CUL4B: variants seen among roughly 807,000 people sequenced by gnomAD.
The protein encoded by CUL4B is cullin 4B.
Under a neutral mutation model 69.2 loss-of-function variants are expected in CUL4B, and 1 was observed. The ratio of observed to expected loss-of-function variants is 0.01; its 90% CI spans 0.01 to 0.07. The LOEUF is 0.07. Among genes scored for constraint, CUL4B ranks in the 10% least tolerant of loss-of-function variants. The probability of loss-of-function intolerance (pLI) is 1.00; values close to 1 mark genes in which losing one functional copy is unlikely to be tolerated. For missense variants in CUL4B, 328 were observed against 638.8 expected (o/e 0.51, Z 5.24); for synonymous variants, 237 against 223.2 (o/e 1.06, Z -0.55).
intron 1 of CUL4B, chrX:120,574,702 T>C: frequency 1.2e-6 from 1 of 822,039 alleles, no homozygotes; most frequent in Non-Finnish European, 1.8e-6. Context: ...ATGAATTCAT[T>C]GACTCTGGTT....
Position 120,532,572 on chromosome X carries a change from T to C in CUL4B, c.2289A>G (p.Thr763=). ...CTTTGCCACAGGCTAATGACTGCAGTGTTCTCCTTAACTCTCCATCCTCTG... is the reference window on the plus strand; with the variant it reads ...CTTTGCCACAGGCTAATGACTGCAGCGTTCTCCTTAACTCTCCATCCTCTG... ...TGIEDGELRR[T]LQSLACGKAR... Residue 763 remains threonine, a synonymous_variant, in exon 18 of 20, where the codon ACA becomes ACG. Transcript: ENST00000371322. 4.1e-6 allele frequency: 5 copies of C among 1,209,700 alleles called. No individual in the cohort carries two copies. The highest frequency in any genetic ancestry group is 5.6e-6 in the Non-Finnish European group (5 of 894,701).
At chrX:120,572,464 CAAAAAAA>C (rs66749436) in intron 2 of CUL4B, among the ~76,000 whole-genome samples, 565 of 50,399 alleles carry the variant, frequency 0.011, 9 homozygotes, top group African/African-American at 0.04. Flanking sequence ...CAAAACTCCT[CAAAAAAA>C]AAAAAAAAAA....
chrX:120,524,902 C>G lies in CUL4B; in HGVS notation c.*1859G>C, dbSNP rs1354612868. On this transcript the variant is annotated 3_prime_UTR_variant, in exon 20 of 20. Coordinates refer to ENST00000371322, the MANE Select transcript of CUL4B (RefSeq NM_001079872.2). ...ATCAAGAGTCTCCTCCTAACAGGAC[C>G]AACTCTATCTAAAAGTTGCTTACGA... The G allele has an allele frequency of 9.0e-6, 1 of 111,618 alleles. No individual in the cohort carries two copies. The highest frequency in any genetic ancestry group is 3.3e-5 in the African/African-American group (1 of 30,596). 9.2% of individuals were successfully genotyped at this position (111,618 alleles called of 1,213,427 possible). A position where few individuals can be genotyped will look rare whatever the true frequency, so the allele number is the denominator to read the frequency against.
intron 2 of CUL4B, among the ~76,000 whole-genome samples, chrX:120,574,377 A>C (rs1265379807): frequency 1.8e-5 from 2 of 108,549 alleles, no homozygotes; most frequent in African/African-American, 3.4e-5. Context: ...CGCCCGGCTA[A>C]TTTTTTGTAT....
In CUL4B at chrX:120,529,987, C is replaced by T. The variant is rs1923213376; in HGVS notation, c.2592+115G>A. 20 of 772,865 alleles carry T rather than the reference C, an allele frequency of 2.6e-5. 1 individual carries two copies. In the South Asian group the frequency reaches 5.0e-4, roughly 19 times the overall value. 63.7% of individuals were successfully genotyped at this position (772,865 alleles called of 1,213,427 possible). ...TATGCATCAACATGGGAAATTAAAACTTTTCTCTCTCTAAATGGTCATGAC... is the reference window on the plus strand; with the variant it reads ...TATGCATCAACATGGGAAATTAAAATTTTTCTCTCTCTAAATGGTCATGAC... On this transcript the variant is annotated intron_variant, in intron 19 of 19. Transcript: ENST00000371322.
chrX:120,560,655 A>G lies in CUL4B; in HGVS notation c.-17T>C, dbSNP rs747399004. ...TGGAAACATGAAAATAGCGGGGTCA[A>G]CAGGCAGAGGAGCATCAAAAACCTA... On this transcript the variant is annotated 5_prime_UTR_variant, in exon 1 of 20. Coordinates refer to ENST00000371322, the MANE Select transcript of CUL4B (RefSeq NM_001079872.2). The G allele has an allele frequency of 2.5e-6, 3 of 1,198,960 alleles. No homozygotes were observed. The highest frequency in any genetic ancestry group is 3.4e-6 in the Non-Finnish European group (3 of 894,499).
At chrX:120,565,258 C>T (rs1368739518), upstream of CUL4B, among the ~76,000 whole-genome samples, 6 of 110,734 alleles carry the variant, frequency 5.4e-5, no homozygotes, top group Non-Finnish European at 9.4e-5. Flanking sequence ...TCCTGGAAGC[C>T]TTCCTATCCA....
At chrX:120,542,654 A>G (rs1392024805) in intron 9 of CUL4B, among the ~76,000 whole-genome samples, 1 of 111,667 alleles carries the variant, frequency 9.0e-6, no homozygotes, top group Non-Finnish European at 1.9e-5. Context: ...TATGTTGCCC[A>G]GGCTGACCTC....
chrX:120,567,947 A>G (rs1461886752), downstream of CUL4B, among the ~76,000 whole-genome samples: 6 of 111,251 alleles, frequency 5.4e-5, no homozygotes, highest in Non-Finnish European at 9.4e-5. Context: ...TAGATGAAGT[A>G]AGTATGTCTT....
chrX:120,554,216 C>T (rs976335572), intron 2 of CUL4B, among the ~76,000 whole-genome samples: 4 of 112,079 alleles, frequency 3.6e-5, no homozygotes, highest in Admixed American at 9.5e-5. Context: ...ATTTCATTTA[C>T]GTCTAAAAAA....
intron 13 of CUL4B, 48 bp from the exon 14 acceptor site, chrX:120,538,257 A>G (rs1430502469): frequency 1.2e-6 from 1 of 860,262 alleles, no homozygotes; most frequent in Non-Finnish European, 1.7e-6. Context: ...TGGTAAAAAC[A>G]AAAGAGGTTT....
Position 120,560,692 on chromosome X carries a change from C to T in CUL4B, c.-54G>A. 8.5e-7 allele frequency: 1 copy of T among 1,178,624 alleles called. No homozygotes were observed. The highest frequency in any genetic ancestry group is 2.3e-5 in the Admixed American group (1 of 44,082). On this transcript the variant is annotated 5_prime_UTR_variant, in exon 1 of 20. Coordinates refer to ENST00000371322, the MANE Select transcript of CUL4B (RefSeq NM_001079872.2). ...GCATCAAAAACCTACGTTTATATGC[C>T]TGCGTGCGTGTAGGAGAGAAGGTAG...
chrX:120,559,819 A>G lies in CUL4B; in HGVS notation c.556+264T>C, dbSNP rs1330969383. 3 of 1,107,994 alleles carry G rather than the reference A, an allele frequency of 2.7e-6. No homozygotes were observed. In the South Asian group the frequency reaches 5.9e-5, roughly 22 times the overall value. The allele number at this position is 1,107,994 out of a possible 1,213,427, so 91.3% of individuals were successfully genotyped here. A position where few individuals can be genotyped will look rare whatever the true frequency, so the allele number is the denominator to read the frequency against. ...CAATCATACCGATTGTCAGTGTTAT[A>G]AGGAATAACAGATTAAATACAATAG... On this transcript the variant is annotated intron_variant, in intron 1 of 19. Coordinates refer to ENST00000371322, the MANE Select transcript of CUL4B (RefSeq NM_001079872.2).
intron 18 of CUL4B, among the ~76,000 whole-genome samples, chrX:120,531,599 AC>A (rs1923322044): frequency 9.2e-6 from 1 of 108,642 alleles, no homozygotes; most frequent in Admixed American, 9.9e-5. Flanking sequence ...AGCTGGGACT[AC>A]AAGCACGCAC....
chrX:120,542,305 A>T (rs2147331792), intron 9 of CUL4B, among the ~76,000 whole-genome samples: 1 of 111,983 alleles, frequency 8.9e-6, no homozygotes, highest in South Asian at 3.7e-4. Flanking sequence ...TAAATAGGTC[A>T]AATTTAAATG....
chrX:120,572,421 T>TG (rs1231850760), intron 2 of CUL4B, among the ~76,000 whole-genome samples: 11 of 93,066 alleles, frequency 1.2e-4, no homozygotes, highest in Non-Finnish European at 2.0e-4. Flanking sequence ...GCCGAAATCA[T>TG]GCCATATAGC....
chrX:120,531,211 A>C (rs1242527010), intron 18 of CUL4B, among the ~76,000 whole-genome samples: 1 of 109,241 alleles, frequency 9.2e-6, no homozygotes, highest in Non-Finnish European at 1.9e-5. Flanking sequence ...AGTCCCAGCT[A>C]CTCAGGAGGC....
At chrX:120,566,632 G>A (rs1194669528), downstream of CUL4B, among the ~76,000 whole-genome samples, 1 of 107,368 alleles carries the variant, frequency 9.3e-6, no homozygotes, top group Non-Finnish European at 1.9e-5. Flanking sequence ...CCCAACCTCA[G>A]GTGATCTGCC....
In CUL4B at chrX:120,540,429, A is replaced by G. The variant is rs761622877; in HGVS notation, c.1577T>C (p.Met526Thr). The G allele has an allele frequency of 8.3e-7, 1 of 1,209,002 alleles. No individual in the cohort carries two copies. Among genetic ancestry groups the G allele is most frequent in the Non-Finnish European group, 1.1e-6 (1 of 892,983 alleles). The change falls in exon 11 of 20, where the codon ATG becomes ACG. Residue 526 changes from methionine (M) to threonine (T), a missense_variant. Physicochemically the swap from Met to Thr is moderately conservative, Grantham distance 81. Around this residue, in one of 4 missense-constraint regions of CUL4B, gnomAD observed 98 missense variants for 296.8 expected, o/e 0.33. Transcript: ENST00000371322. ...FLKNEKFINA[M>T]KEAFETFINK... ...AATGAACGTTTCAAATGCTTCTTTC[A>G]TGGCATTGATAAATTTCTCATTCTT...
Sources: allele counts gnomAD v4.1 joint callset (sites outside exome capture counted in the v4.1 genomes callset), GRCh38; gene constraint gnomAD v4.1.1; regional missense constraint gnomAD v4.1.1; transcripts MANE v1.5; gene names NCBI Gene and HGNC (gene_info 2026-07-23, HGNC 2026-07-21).